The following PTPRS variants were observed in gnomAD, a reference collection of about 807,000 sequenced individuals.
PTPRS encodes the protein receptor-type tyrosine-protein phosphatase S.
A neutral mutation model predicts 215.3 loss-of-function variants in PTPRS; 63 were observed. That is an observed-to-expected ratio of 0.29 (90% confidence interval 0.24 to 0.36). The LOEUF (loss-of-function observed/expected upper bound fraction) is 0.36. Among genes scored for constraint, PTPRS ranks in the 10% least tolerant of loss-of-function variants. The pLI, the probability that PTPRS is intolerant of heterozygous loss-of-function variation, is 1.00. For missense variants in PTPRS, 2,258 were observed against 2,825.8 expected, an observed-to-expected ratio of 0.80 and a Z score of 4.56; for synonymous variants, 1,404 against 1,191.4, an observed-to-expected ratio of 1.18 and a Z score of -3.68.
intron 25 of PTPRS, among the ~76,000 whole-genome samples, chr19:5,217,060 G>C (rs10419919): frequency 0.024 from 3,633 of 152,310 alleles, 149 homozygotes; most frequent in African/African-American, 0.082. Flanking sequence ...GCCTGGCCTT[G>C]GGTCCCCTCT....
chr19:5,284,450 C>T (rs993713231), intron 2 of PTPRS, among the ~76,000 whole-genome samples: 1 of 151,980 alleles, frequency 6.6e-6, no homozygotes, highest in African/African-American at 2.4e-5. Context: ...GTGGCTCATG[C>T]CTGCAATCCC....
rs1206761205 is a variant in PTPRS at position 5,339,959 on chromosome 19, G to A, written c.-95+705C>T. Among the ~76,000 whole-genome samples, 1 of 151,990 alleles carries A rather than the reference G, an allele frequency of 6.6e-6. No individual in the cohort carries two copies. The highest frequency in any genetic ancestry group is 2.0e-4 in the East Asian group (1 of 5,122). Reference sequence around the variant, plus strand: ...GCCCCTGGGTGGGGAGGCTGGAAGGGGGCGCCGAGGCCGCAGAAGGGTGGG... The same window carrying A: ...GCCCCTGGGTGGGGAGGCTGGAAGGAGGCGCCGAGGCCGCAGAAGGGTGGG... On this transcript the variant is annotated intron_variant, in intron 1 of 37. Transcript: ENST00000262963. This position sits in a 1 kb window ranked among gnomAD's most constrained non-coding sequence, Gnocchi z 4.2.
In PTPRS at chr19:5,293,829, C is replaced by T. The variant is rs1316038186; in HGVS notation, c.-94-7595G>A. On this transcript the variant is annotated intron_variant, in intron 1 of 37. Coordinates refer to ENST00000262963, the MANE Select transcript of PTPRS (RefSeq NM_002850.4). The surrounding 1 kb of genome is among the most constrained non-coding windows in gnomAD (Gnocchi z 8.4). Reference sequence around the variant, plus strand: ...GGGGGGACACCGTGGCAGAGGCCCCCACCCTCGCCACAAGCCTGAGGAGGG... The same window carrying T: ...GGGGGGACACCGTGGCAGAGGCCCCTACCCTCGCCACAAGCCTGAGGAGGG... Among the ~76,000 whole-genome samples the T allele has an allele frequency of 5.3e-5, 8 of 152,070 alleles. No homozygotes were observed. Among genetic ancestry groups the T allele is most frequent in the Admixed American group, 5.2e-4 (8 of 15,280 alleles).
At chr19:5,266,740 G>C (rs898006800) in intron 4 of PTPRS, among the ~76,000 whole-genome samples, 28 of 152,018 alleles carry the variant, frequency 1.8e-4, no homozygotes, top group African/African-American at 6.8e-4. Context: ...AAGGAACCCT[G>C]CCTGCTTGCC....
At chr19:5,222,060 G>C (rs3746132) in intron 19 of PTPRS, 63 bp downstream of exon 19, 1,064,277 of 1,357,544 alleles carry the variant, frequency 0.78, 419,446 homozygotes, top group African/African-American at 0.96. Flanking sequence ...TGAGCCTTAA[G>C]CCCTGCTGAA....
At chr19:5,218,735 C>T (rs1239948921) in intron 24 of PTPRS, 52 bp downstream of exon 24, 4 of 1,602,454 alleles carry the variant, frequency 2.5e-6, no homozygotes, top group Non-Finnish European at 3.4e-6. Context: ...CAGCCCATTC[C>T]CTGTCCTCTT....
chr19:5,211,460 A>T, intron 33 of PTPRS, 130 bp downstream of exon 33: 2 of 864,106 alleles, frequency 2.3e-6, no homozygotes, highest in Non-Finnish European at 3.4e-6. Context: ...TATACATCTA[A>T]AGATGTGTAT....
rs776358693 is a variant in PTPRS, at chr19:5,244,253, G to A, written c.1218C>T (p.Asn406=). 35 of 1,613,868 alleles carry A rather than the reference G, an allele frequency of 2.2e-5. No homozygotes were observed. The Admixed American group carries it at 2.3e-4, about 11-fold the overall frequency. ...CGCTGGGGGGCCCCTGGCCGATGGA[G>A]TTGACGGCCGACACCCAGATCTCGT... The part of the protein sequence containing the change: ...SEYEIWVSAV[N]SIGQGPPSES... The change falls in exon 11 of 38, where the codon AAC becomes AAT. Residue 406 remains asparagine, a synonymous_variant. Transcript: ENST00000262963. This position sits in a 1 kb window ranked among gnomAD's most constrained non-coding sequence, Gnocchi z 7.2.
rs534244906 is a variant in PTPRS at position 5,338,727 on chromosome 19, G to C, written c.-95+1937C>G. On this transcript the variant is annotated intron_variant, in intron 1 of 37. Coordinates refer to ENST00000262963, the MANE Select transcript of PTPRS (RefSeq NM_002850.4). This position sits in a 1 kb window ranked among gnomAD's most constrained non-coding sequence, Gnocchi z 4.2. ...AAAGGAAGGGACCCTGGGAGGGGGA[G>C]GGGACTTATGCAAATGGCAGATTCG... 6.6e-6 allele frequency among the ~76,000 whole-genome samples: 1 copy of C among 152,122 alleles called. No homozygotes were observed. Among genetic ancestry groups the C allele is most frequent in the Non-Finnish European group, 1.5e-5 (1 of 68,018 alleles).
At chr19:5,331,477 G>C (rs1470107808) in intron 1 of PTPRS, among the ~76,000 whole-genome samples, 1 of 152,126 alleles carries the variant, frequency 6.6e-6, no homozygotes, top group Non-Finnish European at 1.5e-5. Flanking sequence ...TGAGGGTGGG[G>C]TCATTATCTG....
At chr19:5,329,539 G>A (rs1444647140) in intron 1 of PTPRS, among the ~76,000 whole-genome samples, 1 of 152,028 alleles carries the variant, frequency 6.6e-6, no homozygotes, top group Non-Finnish European at 1.5e-5. Context: ...GCTGAGGCGG[G>A]CAGATCACGA....
At chr19:5,239,164 G>GGAGAGAGAGAGAGAGA (rs36138461) in intron 12 of PTPRS, 101 bp from the exon 13 acceptor site, 3 of 414,300 alleles carry the variant, frequency 7.2e-6, no homozygotes, top group African/African-American at 3.2e-5. Context: ...GGGGGGAGGG[G>GGAGAGAGAGAGAGAGA]GAGAGAGAGA....
At chr19:5,262,302 A>G (rs925221252) in intron 6 of PTPRS, among the ~76,000 whole-genome samples, 2 of 152,186 alleles carry the variant, frequency 1.3e-5, no homozygotes, top group Admixed American at 1.3e-4. Flanking sequence ...CAAGTTGGCC[A>G]AATCACTCAG....
intron 7 of PTPRS, among the ~76,000 whole-genome samples, chr19:5,258,969 T>G (rs1384916726): frequency 6.6e-6 from 1 of 152,228 alleles, no homozygotes; most frequent in Non-Finnish European, 1.5e-5. Flanking sequence ...ATGGACTTCT[T>G]CAAGTGTGTT....
In PTPRS at chr19:5,287,987, C is replaced by CAT. The variant is rs1478521791; in HGVS notation, c.-94-1754_-94-1753insAT. On this transcript the variant is annotated intron_variant, in intron 1 of 37. Transcript: ENST00000262963. This position sits in a 1 kb window ranked among gnomAD's most constrained non-coding sequence, Gnocchi z 4.8. ...GGGCACACACACACACACACACACA[C>CAT]ACACACACACACACACACACACAAT... is the stretch of plus-strand genomic sequence containing the variant. Among the ~76,000 whole-genome samples the CAT allele has an allele frequency of 1.3e-5, 2 of 151,230 alleles. No homozygotes were observed. The highest frequency in any genetic ancestry group is 4.9e-5 in the African/African-American group (2 of 41,116).
chr19:5,290,642 A>G (rs2048737236), intron 1 of PTPRS, among the ~76,000 whole-genome samples: 1 of 152,030 alleles, frequency 6.6e-6, no homozygotes, highest in Non-Finnish European at 1.5e-5. Flanking sequence ...CTCCAGCTGT[A>G]GAGTCCATGC....
At chr19:5,248,277 AC>A (rs141070019) in intron 9 of PTPRS, among the ~76,000 whole-genome samples, 6,200 of 152,156 alleles carry the variant, frequency 0.041, 443 homozygotes, top group African/African-American at 0.14. Flanking sequence ...ACCAGGAAGA[AC>A]AAATGAAATA....
intron 11 of PTPRS, among the ~76,000 whole-genome samples, chr19:5,242,387 AT>A (rs1053374917): frequency 6.6e-6 from 1 of 151,584 alleles, no homozygotes; most frequent in East Asian, 2.0e-4. Context: ...GTCCAATTTT[AT>A]TTTTTTTGAG....
rs372629313 is a variant in PTPRS, at chr19:5,240,363, C to T, written c.1571-31G>A. The T allele has an allele frequency of 3.0e-4, 463 of 1,550,834 alleles. 1 individual carries two copies. Among genetic ancestry groups the T allele is most frequent in the Non-Finnish European group, 3.2e-4 (363 of 1,148,168 alleles). On this transcript the variant is annotated intron_variant, in intron 11 of 37. Coordinates refer to ENST00000262963, the MANE Select transcript of PTPRS (RefSeq NM_002850.4). ...GGGGTGCAGGGAGACAACTAGGAGT[C>T]GGGGAGCGTCCACCCCACAAAGGGG...
Sources: allele counts gnomAD v4.1 joint callset (sites outside exome capture counted in the v4.1 genomes callset), GRCh38; gene constraint gnomAD v4.1.1; non-coding constraint Gnocchi (gnomAD v3.1); transcripts MANE v1.5; gene names NCBI Gene and HGNC (gene_info 2026-07-23, HGNC 2026-07-21).